CSGALNACT1: variants seen among roughly 807,000 people sequenced by gnomAD.
The protein encoded by CSGALNACT1 is chondroitin sulfate N-acetylgalactosaminyltransferase 1, also known as beta4GalNAcT-1.
In CSGALNACT1, 52 loss-of-function variants were observed where a neutral mutation model predicts 51.0. The ratio of observed to expected loss-of-function variants is 1.02; its 90% CI spans 0.82 to 1.29. The LOEUF is 1.29. Among genes scored for constraint, CSGALNACT1 ranks in the 50% most tolerant of loss-of-function variants. CSGALNACT1 has a pLI of 0.00. For synonymous variants in CSGALNACT1, 341 were observed against 254.4 expected (o/e 1.34, Z -3.24); for missense variants, 935 against 679.2 (o/e 1.38, Z -4.19).
At chr8:19,684,713 G>T (rs2060875705), upstream of CSGALNACT1, among the ~76,000 whole-genome samples, 1 of 152,062 alleles carries the variant, frequency 6.6e-6, no homozygotes, top group South Asian at 2.1e-4. Flanking sequence ...TTCTGGAAAG[G>T]GAAGAAAAGC....
At chr8:19,477,300 G>C (rs2153896523) in intron 4 of CSGALNACT1, among the ~76,000 whole-genome samples, 1 of 152,284 alleles carries the variant, frequency 6.6e-6, no homozygotes, top group Non-Finnish European at 1.5e-5. Flanking sequence ...GTAGGACAAA[G>C]ATTTTCCTCA....
intron 4 of CSGALNACT1, among the ~76,000 whole-genome samples, chr8:19,464,298 A>G (rs2066187383): frequency 1.3e-5 from 2 of 151,874 alleles, no homozygotes; most frequent in Non-Finnish European, 2.9e-5. Context: ...TCCCACACAT[A>G]TATATTTTGG....
chr8:19,672,532 A>G (rs368619004), intron 1 of CSGALNACT1, among the ~76,000 whole-genome samples: 1 of 152,200 alleles, frequency 6.6e-6, no homozygotes, highest in East Asian at 1.9e-4. Flanking sequence ...CCACCATTCA[A>G]CCTGGACAGC....
chr8:19,630,255 T>TGTGTGTGTGTGTG (rs2055062496), intron 1 of CSGALNACT1, among the ~76,000 whole-genome samples: 2 of 150,584 alleles, frequency 1.3e-5, no homozygotes, highest in African/African-American at 4.9e-5. Context: ...TGTGTGTGTG[T>TGTGTGTGTGTGTG]TCTAGTAAAA....
intron 1 of CSGALNACT1, among the ~76,000 whole-genome samples, chr8:19,651,858 A>G (rs2057830156): frequency 6.6e-6 from 1 of 152,006 alleles, no homozygotes; most frequent in Admixed American, 6.6e-5. Flanking sequence ...GTGGTTAACT[A>G]ATTTACATTT....
At chr8:19,543,818 T>A (rs1336728544) in intron 3 of CSGALNACT1, among the ~76,000 whole-genome samples, 1 of 152,050 alleles carries the variant, frequency 6.6e-6, no homozygotes, top group Non-Finnish European at 1.5e-5. Context: ...TGATCCTGAG[T>A]CCTCCTAGTA....
At chr8:19,731,669 G>A (rs1399413114) in intron 1 of CSGALNACT1, among the ~76,000 whole-genome samples, 1 of 152,154 alleles carries the variant, frequency 6.6e-6, no homozygotes, top group Non-Finnish European at 1.5e-5. Context: ...ATAGAAGATG[G>A]TTGCACAACC....
At chr8:19,596,560 G>GT (rs1394769131) in intron 2 of CSGALNACT1, among the ~76,000 whole-genome samples, 1 of 150,528 alleles carries the variant, frequency 6.6e-6, no homozygotes, top group Non-Finnish European at 1.5e-5. Context: ...TCTGAATCAT[G>GT]TTTTAACTGC....
chr8:19,719,310 T>C (rs1047584048), intron 1 of CSGALNACT1, among the ~76,000 whole-genome samples: 2 of 152,224 alleles, frequency 1.3e-5, no homozygotes, highest in South Asian at 2.1e-4. Flanking sequence ...TTCTTTCCCA[T>C]GCCTGGCACA....
intron 4 of CSGALNACT1, among the ~76,000 whole-genome samples, chr8:19,493,913 A>G (rs1397403692): frequency 1.3e-5 from 2 of 151,172 alleles, no homozygotes; most frequent in Non-Finnish European, 2.9e-5. Flanking sequence ...CACATCTAGG[A>G]GTGGAACTGC....
intron 1 of CSGALNACT1, among the ~76,000 whole-genome samples, chr8:19,742,551 G>A (rs965840198): frequency 6.6e-6 from 1 of 152,170 alleles, no homozygotes; most frequent in Non-Finnish European, 1.5e-5. Flanking sequence ...CATCCCCCAC[G>A]ACAGCTGTTT....
chr8:19,691,975 G>A (rs760320379), intron 1 of CSGALNACT1, among the ~76,000 whole-genome samples: 9 of 152,138 alleles, frequency 5.9e-5, no homozygotes, highest in Non-Finnish European at 1.3e-4. Flanking sequence ...CTTCATGACT[G>A]GGGAGGCCTG....
intron 1 of CSGALNACT1, among the ~76,000 whole-genome samples, chr8:19,695,556 C>A (rs1435380704): frequency 6.6e-6 from 1 of 152,090 alleles, no homozygotes; most frequent in African/African-American, 2.4e-5. Context: ...CTAAGAAATG[C>A]ATATTTTAAT....
At chr8:19,715,158 A>G (rs2062732728) in intron 1 of CSGALNACT1, among the ~76,000 whole-genome samples, 1 of 152,100 alleles carries the variant, frequency 6.6e-6, no homozygotes, top group Non-Finnish European at 1.5e-5. Flanking sequence ...AAAAGTGGAA[A>G]CCCCTGATAA....
At chr8:19,754,224 C>T (rs377487437) in intron 1 of CSGALNACT1, among the ~76,000 whole-genome samples, 2 of 152,060 alleles carry the variant, frequency 1.3e-5, no homozygotes, top group East Asian at 1.9e-4. Context: ...GGTGGGGTTT[C>T]GCCCTGTTGG....
intron 8 of CSGALNACT1, among the ~76,000 whole-genome samples, chr8:19,418,259 G>A (rs1312405718): frequency 6.6e-6 from 1 of 152,088 alleles, no homozygotes; most frequent in Non-Finnish European, 1.5e-5. Flanking sequence ...AATTGCTCTG[G>A]CCCTCTCTGG....
chr8:19,481,118 A>G (rs2071266050), intron 4 of CSGALNACT1, among the ~76,000 whole-genome samples: 1 of 152,176 alleles, frequency 6.6e-6, no homozygotes, highest in African/African-American at 2.4e-5. Context: ...TAGCTTTACA[A>G]TGACCAGTTC....
rs150613809 is a variant in CSGALNACT1, at chr8:19,572,124, A to C, written c.-297+19036T>G. On this transcript the variant is annotated intron_variant, in intron 3 of 9. Coordinates refer to ENST00000454498, the Ensembl canonical transcript of CSGALNACT1. Reference sequence around the variant, plus strand: ...AACCAGAAAAACATCGGCAACAACAACAAAAATATTTACATACTTCCCCTA... The same window carrying C: ...AACCAGAAAAACATCGGCAACAACACCAAAAATATTTACATACTTCCCCTA... 8.7e-4 allele frequency among the ~76,000 whole-genome samples: 133 copies of C among 152,348 alleles called. 1 individual carries two copies. Among genetic ancestry groups the C allele is most frequent in the African/African-American group, 3.0e-3 (123 of 41,590 alleles).
chr8:19,525,335 G>A (rs192430455), intron 3 of CSGALNACT1, among the ~76,000 whole-genome samples: 7 of 152,124 alleles, frequency 4.6e-5, no homozygotes, highest in African/African-American at 1.7e-4. Flanking sequence ...TGGGCATGGT[G>A]GCCCATTCCT....
Sources: gnomAD v4.1 joint callset for allele counts (sites outside exome capture counted in the v4.1 genomes callset) on GRCh38, gnomAD v4.1.1 for gene constraint, MANE v1.5 for transcripts, NCBI Gene and HGNC (gene_info 2026-07-23, HGNC 2026-07-21) for gene names.